The following STX8 variants were observed in gnomAD, a reference collection of about 807,000 sequenced individuals.
STX8 encodes the protein syntaxin-8.
A neutral mutation model predicts 37.5 loss-of-function variants in STX8; 23 were observed. The observed-to-expected ratio is 0.61, with a 90% confidence interval of 0.44 to 0.87. The LOEUF is 0.87. Ranked by LOEUF, STX8 falls within the 40% of genes least tolerant of loss-of-function variation. STX8 has a pLI of 0.00. For missense variants in STX8, 313 were observed against 284.7 expected (o/e 1.10, Z -0.71); for synonymous variants, 115 against 99.1 (o/e 1.16, Z -0.95).
At chr17:9,418,060 G>A (rs1231605767) in intron 6 of STX8, among the ~76,000 whole-genome samples, 2 of 152,184 alleles carry the variant, frequency 1.3e-5, no homozygotes. Context: ...CCAGTTTGTA[G>A]CCACGTTGGA....
At chr17:9,511,997 T>TC (rs143093866) in intron 4 of STX8, among the ~76,000 whole-genome samples, 5,326 of 151,312 alleles carry the variant, frequency 0.035, 294 homozygotes, top group African/African-American at 0.12. Flanking sequence ...ACAATAGCAA[T>TC]CCCCCCGCCA....
At chr17:9,554,393 AAAG>A (rs1465864750) in intron 3 of STX8, 1 of 152,220 alleles carries the variant, frequency 6.6e-6, no homozygotes, top group Non-Finnish European at 1.5e-5. Flanking sequence ...CTTTCTTTGT[AAAG>A]AAGAGAAGGA....
chr17:9,268,818 A>T (rs374881830), intron 7 of STX8, among the ~76,000 whole-genome samples: 2 of 152,212 alleles, frequency 1.3e-5, no homozygotes, highest in South Asian at 4.1e-4. Flanking sequence ...CAAGATCCCA[A>T]GCCATCAATT....
At chr17:9,513,023 C>T (rs1018488047) in intron 4 of STX8, among the ~76,000 whole-genome samples, 14 of 152,012 alleles carry the variant, frequency 9.2e-5, no homozygotes, top group African/African-American at 2.9e-4. Flanking sequence ...CAAAAAGAAA[C>T]GAATGAGATT....
At chr17:9,571,631 C>T (rs1218483086) in intron 1 of STX8, among the ~76,000 whole-genome samples, 3 of 142,972 alleles carry the variant, frequency 2.1e-5, no homozygotes, top group African/African-American at 5.2e-5. Context: ...TAATCTGGGC[C>T]GGGCATAGGC....
intron 3 of STX8, chr17:9,554,020 G>T: frequency 6.6e-6 from 1 of 152,294 alleles, no homozygotes; most frequent in Non-Finnish European, 1.5e-5. Flanking sequence ...TCAGCACTTT[G>T]GGAGACCAAA....
chr17:9,550,741 C>T (rs537937870), intron 3 of STX8, among the ~76,000 whole-genome samples: 5 of 152,254 alleles, frequency 3.3e-5, no homozygotes, highest in African/African-American at 9.6e-5. Flanking sequence ...CACCCAATCC[C>T]ACTCCAGCTC....
chr17:9,495,421 G>A lies in STX8; in HGVS notation c.449-3500C>T, dbSNP rs201982586. Among the ~76,000 whole-genome samples the A allele has an allele frequency of 1.5e-4, 23 of 152,142 alleles. No individual in the cohort carries two copies. In the East Asian group the frequency reaches 2.9e-3, roughly 19 times the overall value. The stretch of plus-strand genomic sequence containing the variant: ...ATAGGACTGAGGGTTGAGTGTCAAC[G>A]TGGATTAAAAGATAAAACCATTTAA... On this transcript the variant is annotated intron_variant, in intron 5 of 7. Transcript: ENST00000306357.
chr17:9,491,015 C>T (rs192901766), intron 6 of STX8, among the ~76,000 whole-genome samples: 2 of 152,256 alleles, frequency 1.3e-5, no homozygotes, highest in East Asian at 3.9e-4. Flanking sequence ...TGCCACTCAA[C>T]GACTCCACGC....
chr17:9,574,188 T>C (rs770925422), intron 1 of STX8, among the ~76,000 whole-genome samples: 17 of 151,508 alleles, frequency 1.1e-4, no homozygotes, highest in Non-Finnish European at 8.8e-5. Flanking sequence ...GGAGAGTTGC[T>C]TAAGCCCAGG....
At chr17:9,450,369 C>T (rs888467572) in intron 6 of STX8, among the ~76,000 whole-genome samples, 2 of 151,848 alleles carry the variant, frequency 1.3e-5, no homozygotes, top group Non-Finnish European at 2.9e-5. Context: ...AGCCACCACG[C>T]CTGACCTTAC....
chr17:9,487,628 A>T (rs1398901677), intron 6 of STX8, among the ~76,000 whole-genome samples: 2 of 152,176 alleles, frequency 1.3e-5, no homozygotes, highest in Admixed American at 1.3e-4. Flanking sequence ...CACCACAGAG[A>T]AAACCAAGTT....
intron 7 of STX8, among the ~76,000 whole-genome samples, chr17:9,293,374 G>A (rs981891825): frequency 7.2e-5 from 11 of 152,170 alleles, no homozygotes; most frequent in African/African-American, 2.4e-4. Flanking sequence ...TCAAAACAGT[G>A]TCTGCAGCCA....
At chr17:9,518,293 T>TCTTACCAGACCCCTCTTCCAGGC (rs1905215452) in intron 4 of STX8, among the ~76,000 whole-genome samples, 1 of 151,940 alleles carries the variant, frequency 6.6e-6, no homozygotes, top group African/African-American at 2.4e-5. Flanking sequence ...TCTTCCCAGG[T>TCTTACCAGACCCCTCTTCCAGGC]CTTACCAGAC....
At chr17:9,402,094 T>TTTTG (rs996793894) in intron 6 of STX8, among the ~76,000 whole-genome samples, 1 of 131,426 alleles carries the variant, frequency 7.6e-6, no homozygotes, top group African/African-American at 3.3e-5. Context: ...AGCCCTTGTA[T>TTTTG]TTTGTTTATT....
intron 4 of STX8, among the ~76,000 whole-genome samples, chr17:9,525,351 C>CT (rs35824131): frequency 0.013 from 1,912 of 143,636 alleles, 18 homozygotes; most frequent in South Asian, 0.06. Context: ...TTTCTCTTTT[C>CT]TTTTTTTTTT....
chr17:9,340,945 C>T (rs1343694292), intron 7 of STX8, among the ~76,000 whole-genome samples: 1 of 148,608 alleles, frequency 6.7e-6, no homozygotes, highest in African/African-American at 2.5e-5. Context: ...GCGTGGGCCA[C>T]CGCACCCAGC....
intron 4 of STX8, among the ~76,000 whole-genome samples, chr17:9,528,734 T>C (rs1905681235): frequency 6.6e-6 from 1 of 151,900 alleles, no homozygotes. Flanking sequence ...AAAACAAAGA[T>C]CTACAAAATA....
At chr17:9,331,543 C>T (rs1304567135) in intron 7 of STX8, among the ~76,000 whole-genome samples, 2 of 152,226 alleles carry the variant, frequency 1.3e-5, no homozygotes, top group African/African-American at 2.4e-5. Context: ...AAAGCAGGAC[C>T]GAGGCCGGGT....
Sources: allele counts gnomAD v4.1 joint callset (sites outside exome capture counted in the v4.1 genomes callset), GRCh38; gene constraint gnomAD v4.1.1; transcripts MANE v1.5; gene names NCBI Gene and HGNC (gene_info 2026-07-23, HGNC 2026-07-21).